Variants in RNLS observed in about 807,000 individuals in gnomAD.
The protein encoded by RNLS is renalase.
A neutral mutation model predicts 39.8 loss-of-function variants in RNLS; 39 were observed. The observed-to-expected ratio is 0.98, with a 90% confidence interval of 0.76 to 1.28. The LOEUF (loss-of-function observed/expected upper bound fraction) is 1.28. RNLS is among the 50% of genes most tolerant of loss of function. RNLS has a pLI of 0.00. For missense variants in RNLS, 410 were observed against 413.3 expected (o/e 0.99, Z 0.07); for synonymous variants, 147 against 150.7 (o/e 0.98, Z 0.18).
At chr10:88,341,201 T>C (rs1428069867) in intron 5 of RNLS, among the ~76,000 whole-genome samples, 1 of 151,394 alleles carries the variant, frequency 6.6e-6, no homozygotes, top group Non-Finnish European at 1.5e-5. Flanking sequence ...TGGTGGTGCA[T>C]GCCTGTAATC....
At chr10:88,394,406 A>C (rs1165187153) in intron 4 of RNLS, among the ~76,000 whole-genome samples, 1 of 152,192 alleles carries the variant, frequency 6.6e-6, no homozygotes, top group Non-Finnish European at 1.5e-5. Flanking sequence ...CACTTCTCAA[A>C]AGAAGACATT....
At chr10:88,228,028 G>A in the RNLS span, among the ~76,000 whole-genome samples, 1 of 152,070 alleles carries the variant, frequency 6.6e-6, no homozygotes, top group Non-Finnish European at 1.5e-5. Context: ...GAAGAAGGGC[G>A]GAGACTCACC....
At chr10:88,566,871 T>C (rs1417095455) in intron 4 of RNLS, among the ~76,000 whole-genome samples, 1 of 152,040 alleles carries the variant, frequency 6.6e-6, no homozygotes, top group Non-Finnish European at 1.5e-5. Context: ...GTGGACAACA[T>C]AGCCCATGAA....
At position 88,411,276 on chromosome 10, in the gene RNLS, T is replaced by C. The variant is rs570267233; in HGVS notation, c.527-48551A>G. Among the ~76,000 whole-genome samples the C allele has an allele frequency of 5.3e-5, 8 of 152,290 alleles. No homozygotes were observed. The East Asian group carries it at 1.4e-3, about 26-fold the overall frequency. ...ATTTCTGAAAATGCAATTTTCAGAATTGCAATTGATTATTGCTCCATGTTC... is the reference window on the plus strand; with the variant it reads ...ATTTCTGAAAATGCAATTTTCAGAACTGCAATTGATTATTGCTCCATGTTC... On this transcript the variant is annotated intron_variant, in intron 4 of 6. Coordinates refer to ENST00000331772, the MANE Select transcript of RNLS (RefSeq NM_001031709.3).
the RNLS span, among the ~76,000 whole-genome samples, chr10:88,233,899 T>C: frequency 1.3e-5 from 2 of 151,776 alleles, no homozygotes; most frequent in African/African-American, 4.8e-5. Flanking sequence ...ATAACAAAGA[T>C]AATAATAATC....
At chr10:88,535,314 AG>A (rs1847684125) in intron 4 of RNLS, among the ~76,000 whole-genome samples, 1 of 152,116 alleles carries the variant, frequency 6.6e-6, no homozygotes, top group Non-Finnish European at 1.5e-5. Flanking sequence ...TAGTGAACAA[AG>A]CAGAGATAAA....
chr10:88,375,781 C>G (rs1202691879), intron 4 of RNLS, among the ~76,000 whole-genome samples: 1 of 152,028 alleles, frequency 6.6e-6, no homozygotes, highest in Non-Finnish European at 1.5e-5. Context: ...AATTAAATTG[C>G]CATAAAACAG....
At chr10:88,534,507 G>C (rs995159557) in intron 4 of RNLS, among the ~76,000 whole-genome samples, 13 of 152,222 alleles carry the variant, frequency 8.5e-5, no homozygotes, top group African/African-American at 2.9e-4. Context: ...ATTGGCTTGA[G>C]AGTCAGATAC....
chr10:88,216,245 TCCAGGAAAGTAG>T, the RNLS span, among the ~76,000 whole-genome samples: 1 of 152,164 alleles, frequency 6.6e-6, no homozygotes, highest in Non-Finnish European at 1.5e-5. Flanking sequence ...CAGAAGCTCT[TCCAGGAAAGTAG>T]CGTTTGCTCA....
At chr10:88,247,848 A>T in the RNLS span, among the ~76,000 whole-genome samples, 1 of 152,226 alleles carries the variant, frequency 6.6e-6, no homozygotes, top group African/African-American at 2.4e-5. Flanking sequence ...GTGATGAGAT[A>T]TGAGAAAGAC....
chr10:88,574,616 T>C (rs1235448248), intron 3 of RNLS, among the ~76,000 whole-genome samples: 1 of 152,198 alleles, frequency 6.6e-6, no homozygotes, highest in Non-Finnish European at 1.5e-5. Context: ...TGCTACACCC[T>C]AGTAAGCACT....
chr10:88,463,985 C>T (rs1047464535), intron 4 of RNLS, among the ~76,000 whole-genome samples: 1 of 151,942 alleles, frequency 6.6e-6, no homozygotes, highest in Non-Finnish European at 1.5e-5. Flanking sequence ...ACAAACAAAC[C>T]TTGAGTATGT....
At chr10:88,341,315 G>A (rs536930907) in intron 5 of RNLS, among the ~76,000 whole-genome samples, 21 of 115,572 alleles carry the variant, frequency 1.8e-4, no homozygotes, top group South Asian at 8.4e-4. Flanking sequence ...GGCAATGAGA[G>A]CAAAACTCCA....
the RNLS span, among the ~76,000 whole-genome samples, chr10:88,205,773 G>A: frequency 6.6e-6 from 1 of 152,144 alleles, no homozygotes; most frequent in Admixed American, 6.6e-5. Context: ...TGGCTTCAGA[G>A]GAGGGATAAG....
chr10:88,208,219 G>A, the RNLS span, among the ~76,000 whole-genome samples: 1 of 152,028 alleles, frequency 6.6e-6, no homozygotes, highest in African/African-American at 2.4e-5. Context: ...TATGGAACCT[G>A]CCTTTAAGTC....
At position 88,285,163 on chromosome 10, in the gene RNLS, A is replaced by G; in HGVS notation, c.*191T>C. The G allele has an allele frequency of 7.9e-7, 1 of 1,262,168 alleles. No homozygotes were observed. The highest frequency in any genetic ancestry group is 2.7e-5 in the South Asian group (1 of 37,624). 78.2% of individuals were successfully genotyped at this position (1,262,168 alleles called of 1,614,324 possible). ...GTAGGGAAGGTGCAAGGTGTGAGGAATTTCCATTCTAGCATGGGTTGTAAC... is the reference window on the plus strand; with the variant it reads ...GTAGGGAAGGTGCAAGGTGTGAGGAGTTTCCATTCTAGCATGGGTTGTAAC... On this transcript the variant is annotated 3_prime_UTR_variant, in exon 7 of 7. Transcript: ENST00000331772.
intron 6 of RNLS, among the ~76,000 whole-genome samples, chr10:88,275,978 C>T (rs568252247): frequency 3.9e-4 from 59 of 152,118 alleles, no homozygotes; most frequent in African/African-American, 1.4e-3. Flanking sequence ...CCCTTGAGCC[C>T]AGGAATTTGA....
chr10:88,490,626 T>C (rs945786418), intron 4 of RNLS, among the ~76,000 whole-genome samples: 2 of 152,208 alleles, frequency 1.3e-5, no homozygotes, highest in Non-Finnish European at 2.9e-5. Context: ...TTTAAAAATA[T>C]ACTTATTTTT....
At chr10:88,434,100 T>C (rs751692901) in intron 4 of RNLS, among the ~76,000 whole-genome samples, 18 of 152,306 alleles carry the variant, frequency 1.2e-4, no homozygotes, top group Middle Eastern at 3.4e-3. Context: ...TTTCCAAGCA[T>C]GTTGCACAAC....
Sources: gnomAD v4.1 joint callset for allele counts (sites outside exome capture counted in the v4.1 genomes callset) on GRCh38, gnomAD v4.1.1 for gene constraint, MANE v1.5 for transcripts, NCBI Gene and HGNC (gene_info 2026-07-23, HGNC 2026-07-21) for gene names.